The following ADGRL3 variants were observed in gnomAD, a reference collection of about 807,000 sequenced individuals.
ADGRL3 encodes adhesion G protein-coupled receptor L3, also known as calcium-independent alpha-latrotoxin receptor 3.
ADGRL3 carries 62 observed loss-of-function variants against 153.5 expected under a neutral mutation model. That is an observed-to-expected ratio of 0.40 (90% confidence interval 0.33 to 0.50). ADGRL3 has a LOEUF of 0.50. Ranked by LOEUF, ADGRL3 falls within the 20% of genes least tolerant of loss-of-function variation. The pLI is 0.47. For missense variants in ADGRL3, 1,641 were observed against 1,859.4 expected, an observed-to-expected ratio of 0.88 and a Z score of 2.16; for synonymous variants, 710 against 672.5, an observed-to-expected ratio of 1.06 and a Z score of -0.86.
At chr4:61,844,600 ACTT>A (rs2098091408) in intron 9 of ADGRL3, among the ~76,000 whole-genome samples, 4 of 126,332 alleles carry the variant, frequency 3.2e-5, no homozygotes, top group African/African-American at 6.2e-5. Flanking sequence ...ATATATATTT[ACTT>A]TATTCACCCC....
chr4:61,821,245 C>A (rs1241692154), intron 9 of ADGRL3, among the ~76,000 whole-genome samples: 4 of 148,580 alleles, frequency 2.7e-5, no homozygotes, highest in Non-Finnish European at 5.9e-5. Flanking sequence ...TAATGCCATA[C>A]TAATGATGCT....
At chr4:61,491,950 G>A (rs944949309) in intron 2 of ADGRL3, among the ~76,000 whole-genome samples, 1 of 152,020 alleles carries the variant, frequency 6.6e-6, no homozygotes, top group Non-Finnish European at 1.5e-5. Context: ...ACACCCAAGT[G>A]ATAATTCTGA....
intron 2 of ADGRL3, among the ~76,000 whole-genome samples, chr4:61,473,653 G>C (rs13143066): frequency 0.012 from 1,886 of 152,054 alleles, 15 homozygotes; most frequent in Non-Finnish European, 0.02. Context: ...TAGGAAGTGA[G>C]ACACACTAAG....
rs933251647 is a variant in ADGRL3 at position 61,251,400 on chromosome 4, C to T, written c.-240+49635C>T. Among the ~76,000 whole-genome samples the T allele has an allele frequency of 7.9e-5, 12 of 152,260 alleles. No homozygotes were observed. In the East Asian group the frequency reaches 2.3e-3, roughly 29 times the overall value. On this transcript the variant is annotated intron_variant, in intron 1 of 26. Coordinates refer to ENST00000683033, the MANE Select transcript of ADGRL3 (RefSeq NM_001387552.1). ...CTCGGAGAGCAGGTGTATCAGGTAA[C>T]CACGAGGAAGCTGCATGGCATTTGA...
intron 3 of ADGRL3, among the ~76,000 whole-genome samples, chr4:61,514,317 T>C (rs1480064725): frequency 6.6e-6 from 1 of 152,180 alleles, no homozygotes; most frequent in Non-Finnish European, 1.5e-5. Context: ...CTTTCTAGCA[T>C]GTGAATTGAA....
chr4:61,863,184 T>G (rs1183149959), intron 9 of ADGRL3, among the ~76,000 whole-genome samples: 7 of 151,924 alleles, frequency 4.6e-5, no homozygotes, highest in African/African-American at 1.7e-4. Context: ...GATCGACACA[T>G]TATTGACAAG....
chr4:61,391,449 C>A (rs1324421330), intron 2 of ADGRL3, among the ~76,000 whole-genome samples: 1 of 152,162 alleles, frequency 6.6e-6, no homozygotes, highest in African/African-American at 2.4e-5. Flanking sequence ...ACACCTCTGG[C>A]ATTAGGGATT....
chr4:61,766,380 G>A (rs2096980280), intron 8 of ADGRL3, among the ~76,000 whole-genome samples: 1 of 152,166 alleles, frequency 6.6e-6, no homozygotes, highest in African/African-American at 2.4e-5. Flanking sequence ...AGCGGCAGCA[G>A]CTGCATGCAG....
chr4:61,919,876 A>G (rs919432210), intron 13 of ADGRL3, among the ~76,000 whole-genome samples: 1 of 152,206 alleles, frequency 6.6e-6, no homozygotes, highest in African/African-American at 2.4e-5. Flanking sequence ...TTTCCTGTAA[A>G]TAAACAAATG....
At chr4:61,937,314 T>G (rs1026857061) in intron 15 of ADGRL3, among the ~76,000 whole-genome samples, 1 of 152,110 alleles carries the variant, frequency 6.6e-6, no homozygotes, top group Non-Finnish European at 1.5e-5. Context: ...ACATTTGTCT[T>G]CAGCATGTTC....
At chr4:61,299,740 T>G (rs778601523) in intron 1 of ADGRL3, among the ~76,000 whole-genome samples, 3 of 152,198 alleles carry the variant, frequency 2.0e-5, no homozygotes, top group Non-Finnish European at 4.4e-5. Context: ...AGTATCTGAA[T>G]GTAACTCTTT....
At chr4:61,612,356 T>C (rs2091469508) in intron 5 of ADGRL3, among the ~76,000 whole-genome samples, 1 of 152,160 alleles carries the variant, frequency 6.6e-6, no homozygotes, top group African/African-American at 2.4e-5. Flanking sequence ...GTCTGCTAAA[T>C]GGCTCCTTAG....
intron 19 of ADGRL3, among the ~76,000 whole-genome samples, chr4:61,984,273 T>C (rs189567083): frequency 6.6e-6 from 1 of 152,250 alleles, no homozygotes; most frequent in East Asian, 1.9e-4. Context: ...AGACCTCTGA[T>C]GAATAATCAT....
intron 17 of ADGRL3, among the ~76,000 whole-genome samples, chr4:61,952,897 C>A (rs1201567377): frequency 7.9e-5 from 12 of 152,148 alleles, no homozygotes; most frequent in Admixed American, 7.9e-4. Flanking sequence ...ACTGTGACCA[C>A]TATTGTGTGT....
chr4:61,341,264 G>A (rs975748881), intron 1 of ADGRL3, among the ~76,000 whole-genome samples: 2 of 151,756 alleles, frequency 1.3e-5, no homozygotes, highest in African/African-American at 4.8e-5. Flanking sequence ...TTCAAAACTT[G>A]CTTGTGGGGA....
At chr4:61,839,962 A>G (rs1394877127) in intron 9 of ADGRL3, among the ~76,000 whole-genome samples, 1 of 132,012 alleles carries the variant, frequency 7.6e-6, no homozygotes, top group Non-Finnish European at 1.5e-5. Flanking sequence ...AAAGAAAAAA[A>G]AAAGGACATT....
At chr4:61,688,529 G>T (rs2095485805) in intron 6 of ADGRL3, among the ~76,000 whole-genome samples, 1 of 152,052 alleles carries the variant, frequency 6.6e-6, no homozygotes, top group African/African-American at 2.4e-5. Context: ...TATTCAAACA[G>T]CTTTGTACCA....
chr4:61,367,506 G>C (rs1454803452), intron 1 of ADGRL3, among the ~76,000 whole-genome samples: 3 of 150,330 alleles, frequency 2.0e-5, no homozygotes, highest in South Asian at 2.1e-4. Flanking sequence ...TTTGTTCTTG[G>C]GATAGTTTAC....
chr4:61,847,876 T>A (rs1230567821), intron 9 of ADGRL3, among the ~76,000 whole-genome samples: 7 of 17,510 alleles, frequency 4.0e-4, no homozygotes, highest in East Asian at 1.3e-3. Context: ...TAAAATATAT[T>A]ATATATAATA....
Sources: allele counts gnomAD v4.1 joint callset (sites outside exome capture counted in the v4.1 genomes callset), GRCh38; gene constraint gnomAD v4.1.1; transcripts MANE v1.5; gene names NCBI Gene and HGNC (gene_info 2026-07-23, HGNC 2026-07-21).